The following PCDH15 variants were observed in gnomAD, a reference collection of about 807,000 sequenced individuals.
The protein encoded by PCDH15 is protocadherin related 15, also known as protocadherin-15.
In PCDH15, 129 loss-of-function variants were observed where a neutral mutation model predicts 178.5. That is an observed-to-expected ratio of 0.72 (90% confidence interval 0.63 to 0.84). The LOEUF is 0.84. PCDH15 is among the 40% of genes least tolerant of loss of function. PCDH15 has a pLI of 0.00. For missense variants in PCDH15, 2,230 were observed against 2,099.9 expected (o/e 1.06, Z -1.21); for synonymous variants, 800 against 732.0 (o/e 1.09, Z -1.50).
At chr10:55,601,959 G>T (rs1318023162) in intron 2 of PCDH15, among the ~76,000 whole-genome samples, 1 of 152,120 alleles carries the variant, frequency 6.6e-6, no homozygotes, top group East Asian at 1.9e-4. Context: ...GGTGATTTCT[G>T]CATTTCCATC....
chr10:55,175,309 C>T (rs1026278135), intron 1 of PCDH15, among the ~76,000 whole-genome samples: 1 of 152,130 alleles, frequency 6.6e-6, no homozygotes, highest in African/African-American at 2.4e-5. Context: ...GTAAAGCATG[C>T]CACTCTACCT....
chr10:54,296,970 C>A (rs752814380), intron 8 of PCDH15, among the ~76,000 whole-genome samples: 1 of 151,866 alleles, frequency 6.6e-6, no homozygotes. Context: ...GCCAATAATC[C>A]GACCTTCCTC....
At chr10:54,883,312 T>A (rs781733137) in intron 3 of PCDH15, among the ~76,000 whole-genome samples, 1 of 152,084 alleles carries the variant, frequency 6.6e-6, no homozygotes, top group Non-Finnish European at 1.5e-5. Flanking sequence ...TAAAACCTAT[T>A]TCAGAACTTC....
intron 3 of PCDH15, among the ~76,000 whole-genome samples, chr10:54,524,919 A>G (rs1323832220): frequency 1.3e-5 from 2 of 152,346 alleles, no homozygotes; most frequent in Non-Finnish European, 2.9e-5. Flanking sequence ...GACAAAGATC[A>G]GGAATTGAAA....
intron 2 of PCDH15, among the ~76,000 whole-genome samples, chr10:55,582,613 T>C (rs1430722079): frequency 4.3e-5 from 4 of 93,068 alleles, no homozygotes; most frequent in Middle Eastern, 4.8e-3. Context: ...TATATATATA[T>C]ATATATATAT....
chr10:53,840,830 T>C (rs1367246499), intron 28 of PCDH15, among the ~76,000 whole-genome samples: 1 of 152,196 alleles, frequency 6.6e-6, no homozygotes, highest in East Asian at 1.9e-4. Flanking sequence ...ATAGGAGGCA[T>C]GGGGTCTTAG....
chr10:54,881,712 T>G (rs1437570646), intron 3 of PCDH15, among the ~76,000 whole-genome samples: 1 of 152,112 alleles, frequency 6.6e-6, no homozygotes, highest in Non-Finnish European at 1.5e-5. Flanking sequence ...ATAAGCGGAT[T>G]AGGCTCTACC....
intron 1 of PCDH15, among the ~76,000 whole-genome samples, chr10:55,231,972 G>T (rs1018857835): frequency 1.1e-4 from 17 of 151,884 alleles, no homozygotes; most frequent in African/African-American, 3.1e-4. Flanking sequence ...ATTTAATTCT[G>T]TCAAAGCTGT....
At chr10:53,822,260 A>G in intron 32 of PCDH15, 1 of 1,613,780 alleles carries the variant, frequency 6.2e-7, no homozygotes, top group African/African-American at 1.3e-5. Flanking sequence ...GAATAGAAGG[A>G]GGTGGTGGAG....
At chr10:54,118,260 T>A (rs540989993) in intron 15 of PCDH15, among the ~76,000 whole-genome samples, 32 of 152,268 alleles carry the variant, frequency 2.1e-4, no homozygotes, top group African/African-American at 7.7e-4. Context: ...CATCTGATCA[T>A]TGACAAAGTA....
chr10:54,517,021 G>C (rs1197081796), intron 3 of PCDH15, among the ~76,000 whole-genome samples: 1 of 152,056 alleles, frequency 6.6e-6, no homozygotes, highest in African/African-American at 2.4e-5. Flanking sequence ...GAGAGATTTT[G>C]TCACCACCAG....
intron 2 of PCDH15, among the ~76,000 whole-genome samples, chr10:54,580,184 T>C (rs1179399839): frequency 6.6e-6 from 1 of 151,922 alleles, no homozygotes; most frequent in Non-Finnish European, 1.5e-5. Context: ...AGACCAAAAG[T>C]TGGGACTTTG....
Position 53,806,922 on chromosome 10 carries a change from G to C in PCDH15, c.4880C>G (p.Ser1627Cys). ...AAAGGGCCCTCCCAGTCGAACAGGG[G>C]AAGCAACTTTTAAGTTGTCCGTGAG... The part of the protein sequence containing the change: ...ACLTDNLKVA[S>C]PVRLGGPFKK... Residue 1627 changes from serine (S) to cysteine (C), a missense_variant, in exon 38 of 38, where the codon TCC (serine) becomes TGC (cysteine). Transcript: ENST00000644397. 6.2e-7 allele frequency: 1 copy of C among 1,613,866 alleles called. No homozygotes were observed.
intron 26 of PCDH15, among the ~76,000 whole-genome samples, chr10:53,868,888 C>T (rs115667543): frequency 0.018 from 2,772 of 152,210 alleles, 88 homozygotes; most frequent in African/African-American, 0.063. Flanking sequence ...GGCATAAACT[C>T]GGCTCACTGA....
Position 53,806,485 on chromosome 10 carries a change from T to G in PCDH15, c.*94A>C, listed in dbSNP as rs1240594051. ...AAAGTTTTAGCTTGTGTGCATGATA[T>G]AAATTCCATACATTGTTTTCTCAGT... On this transcript the variant is annotated 3_prime_UTR_variant, in exon 38 of 38. Coordinates refer to ENST00000644397, the MANE Select transcript of PCDH15 (RefSeq NM_001384140.1). The G allele has an allele frequency of 3.6e-6, 4 of 1,115,438 alleles. No homozygotes were observed. The South Asian group carries it at 5.1e-5, about 14-fold the overall frequency. The allele number at this position is 1,115,438 out of a possible 1,614,324, so 69.1% of individuals were successfully genotyped here.
At chr10:55,115,431 T>C (rs1037473776) in intron 2 of PCDH15, among the ~76,000 whole-genome samples, 2 of 152,154 alleles carry the variant, frequency 1.3e-5, no homozygotes, top group Non-Finnish European at 2.9e-5. Flanking sequence ...AGAATAAAAA[T>C]AGAAGGATAT....
intron 1 of PCDH15, among the ~76,000 whole-genome samples, chr10:55,281,609 C>T (rs1359329349): frequency 6.6e-6 from 1 of 152,062 alleles, no homozygotes; most frequent in East Asian, 1.9e-4. Context: ...TTGTATTCAT[C>T]CCAGTGCTTC....
rs755165199 is a variant in PCDH15, at chr10:53,821,864, T to C, written c.4368-1634A>G. On this transcript the variant is annotated intron_variant, in intron 32 of 37. Coordinates refer to ENST00000644397, the MANE Select transcript of PCDH15 (RefSeq NM_001384140.1). ...TAAAATAAGAAAAGCAACATTACAG[T>C]GAAGTAGATTGACTGTGAGATTGTT... The C allele has an allele frequency of 1.8e-5, 29 of 1,612,956 alleles. No homozygotes were observed. Among genetic ancestry groups the C allele is most frequent in the African/African-American group, 2.7e-5 (2 of 75,004 alleles).
At chr10:54,342,147 A>G (rs575334221) in intron 6 of PCDH15, among the ~76,000 whole-genome samples, 7 of 152,302 alleles carry the variant, frequency 4.6e-5, no homozygotes, top group African/African-American at 1.4e-4. Flanking sequence ...CGAGGAACCA[A>G]CTATTAATAG....
Sources: allele counts gnomAD v4.1 joint callset (sites outside exome capture counted in the v4.1 genomes callset), GRCh38; gene constraint gnomAD v4.1.1; transcripts MANE v1.5; gene names NCBI Gene and HGNC (gene_info 2026-07-23, HGNC 2026-07-21).